DYNC2H1: variants seen among roughly 807,000 people sequenced by gnomAD.
DYNC2H1 encodes cytoplasmic dynein 2 heavy chain 1.
A neutral mutation model predicts 570.0 loss-of-function variants in DYNC2H1; 410 were observed. The observed-to-expected ratio is 0.72, with a 90% CI of 0.66 to 0.78. The LOEUF (loss-of-function observed/expected upper bound fraction) is 0.78. Among genes scored for constraint, DYNC2H1 ranks in the 30% least tolerant of loss-of-function variants. DYNC2H1 has a pLI of 0.00. For missense variants in DYNC2H1, 4,865 were observed against 5,046.4 expected, an observed-to-expected ratio of 0.96 and a Z score of 1.09; for synonymous variants, 1,688 against 1,677.6, an observed-to-expected ratio of 1.01 and a Z score of -0.15.
At position 103,395,095 on chromosome 11, in the gene DYNC2H1, T is replaced by C. The variant is rs566935078; in HGVS notation, c.12157-4568T>C. Among the ~76,000 whole-genome samples, 1 of 152,298 alleles carries C rather than the reference T, an allele frequency of 6.6e-6. No individual in the cohort carries two copies. Among genetic ancestry groups the C allele is most frequent in the South Asian group, 2.1e-4 (1 of 4,830 alleles). ...AGATATGGGCATAATTTAATCCAGA[T>C]ATGTAATATTTTGACCTTTCTGATC... On this transcript the variant is annotated intron_variant, in intron 83 of 88. Transcript: ENST00000375735. This position sits in a 1 kb window ranked among gnomAD's most constrained non-coding sequence, Gnocchi z 4.3.
intron 12 of DYNC2H1, among the ~76,000 whole-genome samples, chr11:103,125,632 A>G (rs1037080140): frequency 6.6e-6 from 1 of 152,190 alleles, no homozygotes; most frequent in Non-Finnish European, 1.5e-5. Flanking sequence ...GTCATAAAGA[A>G]TTATCAGGTT....
At chr11:103,422,517 A>G (rs1943521489) in intron 84 of DYNC2H1, among the ~76,000 whole-genome samples, 3 of 152,186 alleles carry the variant, frequency 2.0e-5, no homozygotes, top group African/African-American at 7.2e-5. Context: ...CATCCCTGGG[A>G]TGCAAGGTTT....
intron 65 of DYNC2H1, among the ~76,000 whole-genome samples, chr11:103,250,623 A>G (rs1281508067): frequency 1.3e-5 from 2 of 152,076 alleles, no homozygotes; most frequent in Non-Finnish European, 2.9e-5. Flanking sequence ...TTGTTATTTC[A>G]TTCCTATCAC....
chr11:103,357,071 T>A (rs1379783022), intron 82 of DYNC2H1, among the ~76,000 whole-genome samples: 1 of 152,112 alleles, frequency 6.6e-6, no homozygotes. Flanking sequence ...AGGTATAATA[T>A]GAAAAACAAT....
chr11:103,359,796 C>G (rs1304149567), intron 83 of DYNC2H1, among the ~76,000 whole-genome samples: 1 of 151,854 alleles, frequency 6.6e-6, no homozygotes, highest in African/African-American at 2.4e-5. Flanking sequence ...ACCCGAGTAG[C>G]TGGGACTACA....
In DYNC2H1 at chr11:103,341,259, T is replaced by A. The variant is rs534445275; in HGVS notation, c.12040-16984T>A. 2.4e-4 allele frequency among the ~76,000 whole-genome samples: 37 copies of A among 152,368 alleles called. No homozygotes were observed. In the South Asian group the frequency reaches 7.7e-3, roughly 32 times the overall value. On this transcript the variant is annotated intron_variant, in intron 82 of 88. Coordinates refer to ENST00000375735, the MANE Select transcript of DYNC2H1 (RefSeq NM_001377.3). ...AATTCTCTTGCTTTCTATTTCTCTT[T>A]CCTAGAATTTGTTTCCATAAGATTG...
intron 84 of DYNC2H1, among the ~76,000 whole-genome samples, chr11:103,417,896 C>T (rs1163473315): frequency 6.7e-6 from 1 of 148,348 alleles, no homozygotes; most frequent in Non-Finnish European, 1.5e-5. Flanking sequence ...AAAAATTGAT[C>T]AATGTTATTT....
chr11:103,114,069 TC>T (rs1565308581), intron 2 of DYNC2H1, 33 bp from the exon 3 acceptor site: 1 of 1,597,286 alleles, frequency 6.3e-7, no homozygotes, highest in Non-Finnish European at 8.5e-7. Context: ...AAAATTTTGA[TC>T]AATCTTGGTT....
At position 103,200,131 on chromosome 11, in the gene DYNC2H1, T is replaced by C; in HGVS notation, c.8174T>C (p.Met2725Thr). The stretch of plus-strand genomic sequence containing the variant: ...TTTGTACATCCTACATTTTTGGAGA[T>C]GATCAATAGCCTTTTGTCTTCAGGC... The part of the protein sequence containing the change: ...YQFVHPTFLE[M>T]INSLLSSGEV... Residue 2725 changes from methionine to threonine, a missense_variant, in exon 50 of 89, where the codon ATG becomes ACG. Met to Thr is a moderately conservative substitution (Grantham distance 81). Around this residue, in one of 5 missense-constraint regions of DYNC2H1, gnomAD observed 2,401 missense variants for 2,454.6 expected, o/e 0.98. Coordinates refer to ENST00000375735, the MANE Select transcript of DYNC2H1 (RefSeq NM_001377.3). 3 of 1,578,942 alleles carry C rather than the reference T, an allele frequency of 1.9e-6. No individual in the cohort carries two copies. Among genetic ancestry groups the C allele is most frequent in the Non-Finnish European group, 8.6e-7 (1 of 1,160,954 alleles).
chr11:103,230,446 A>G (rs138786185), intron 59 of DYNC2H1, among the ~76,000 whole-genome samples: 616 of 152,214 alleles, frequency 4.0e-3, no homozygotes, highest in Middle Eastern at 6.8e-3. Flanking sequence ...TTTATCTTTC[A>G]CCTAGGATGT....
intron 13 of DYNC2H1, among the ~76,000 whole-genome samples, chr11:103,132,516 AT>A (rs772619324): frequency 6.6e-6 from 1 of 151,590 alleles, no homozygotes; most frequent in South Asian, 2.1e-4. Context: ...TCAAGTTGTG[AT>A]TTTTTTTAGC....
chr11:103,347,795 C>A (rs1018287048), intron 82 of DYNC2H1, among the ~76,000 whole-genome samples: 1 of 151,994 alleles, frequency 6.6e-6, no homozygotes, highest in Non-Finnish European at 1.5e-5. Context: ...GGCAGCATCC[C>A]CTATTACTGC....
intron 73 of DYNC2H1, 100 bp from the exon 74 acceptor site, chr11:103,286,153 CAT>C: frequency 7.0e-7 from 1 of 1,425,788 alleles, no homozygotes; most frequent in Non-Finnish European, 9.6e-7. Context: ...GAGTAATAAA[CAT>C]CAACCAATAA....
In DYNC2H1 at chr11:103,128,895, A is replaced by G; in HGVS notation, c.1858-15A>G. On this transcript the variant is annotated splice_polypyrimidine_tract_variant and intron_variant, in intron 12 of 88. Transcript: ENST00000375735. ...GAAGTTATTAATTATTACTAATTGG[A>G]CTTTTACTTTGTAGGTGGCACATTT... 1 of 1,537,072 alleles carries G rather than the reference A, an allele frequency of 6.5e-7. No homozygotes were observed. The highest frequency in any genetic ancestry group is 8.8e-7 in the Non-Finnish European group (1 of 1,134,834).
chr11:103,389,438 C>A (rs1376822062), intron 83 of DYNC2H1, among the ~76,000 whole-genome samples: 3 of 151,994 alleles, frequency 2.0e-5, no homozygotes, highest in Non-Finnish European at 4.4e-5. Context: ...TTGATCTTTT[C>A]AAAAAACCAC....
At chr11:103,352,750 A>G (rs185081403) in intron 82 of DYNC2H1, among the ~76,000 whole-genome samples, 7 of 152,318 alleles carry the variant, frequency 4.6e-5, no homozygotes, top group African/African-American at 1.7e-4. Flanking sequence ...CGATTCCTCA[A>G]AGATCTAGAA....
intron 34 of DYNC2H1, among the ~76,000 whole-genome samples, chr11:103,172,435 A>C (rs1164783758): frequency 6.6e-6 from 1 of 151,840 alleles, no homozygotes; most frequent in African/African-American, 2.4e-5. Flanking sequence ...ACATAAACAA[A>C]CCTTCCCTGA....
chr11:103,215,408 T>G (rs1036339586), intron 54 of DYNC2H1, among the ~76,000 whole-genome samples: 3 of 152,238 alleles, frequency 2.0e-5, no homozygotes, highest in African/African-American at 7.2e-5. Context: ...TTGATGATTA[T>G]CTGGTTTTTG....
chr11:103,464,556 A>G (rs972443366), intron 87 of DYNC2H1, among the ~76,000 whole-genome samples: 2 of 152,182 alleles, frequency 1.3e-5, no homozygotes, highest in Admixed American at 6.5e-5. Flanking sequence ...AAAGAGGAAA[A>G]TCTTCAAAGT....
Sources: allele counts gnomAD v4.1 joint callset (sites outside exome capture counted in the v4.1 genomes callset), GRCh38; gene constraint gnomAD v4.1.1; regional missense constraint gnomAD v4.1.1; non-coding constraint Gnocchi (gnomAD v3.1); transcripts MANE v1.5; gene names NCBI Gene and HGNC (gene_info 2026-07-23, HGNC 2026-07-21).